YLPM1: variants seen among roughly 807,000 people sequenced by gnomAD.
YLPM1 encodes YLP motif containing 1, also known as YLP motif-containing protein 1.
A neutral mutation model predicts 230.0 loss-of-function variants in YLPM1; 99 were observed. The ratio of observed to expected loss-of-function variants is 0.43; its 90% CI spans 0.37 to 0.51. The LOEUF (loss-of-function observed/expected upper bound fraction) is 0.51. Among genes scored for constraint, YLPM1 ranks in the 20% least tolerant of loss-of-function variants. The probability of loss-of-function intolerance (pLI) is 0.00; values close to 1 mark genes in which losing one functional copy is unlikely to be tolerated. For missense variants in YLPM1, 2,592 were observed against 2,707.7 expected, an observed-to-expected ratio of 0.96 and a Z score of 0.95; for synonymous variants, 984 against 942.5, an observed-to-expected ratio of 1.04 and a Z score of -0.81.
intron 4 of YLPM1, 90 bp from the exon 5 acceptor site, chr14:74,797,490 C>A: frequency 9.0e-7 from 1 of 1,111,940 alleles, no homozygotes; most frequent in East Asian, 2.6e-5. Context: ...TAAACAAATT[C>A]TAAGGCAAGA....
chr14:74,834,975 A>T (rs2091633371), intron 19 of YLPM1: 1 of 282,218 alleles, frequency 3.5e-6, no homozygotes, highest in Non-Finnish European at 6.6e-6. Flanking sequence ...GTGAAAAAAA[A>T]ATGAGGTCAG....
intron 18 of YLPM1, among the ~76,000 whole-genome samples, chr14:74,824,921 C>CA (rs2091550834): frequency 6.6e-6 from 1 of 151,964 alleles, no homozygotes; most frequent in Non-Finnish European, 1.5e-5. Flanking sequence ...ATCTGTCAAA[C>CA]AAAAAAGTCA....
Position 74,811,743 on chromosome 14 carries a change from A to T in YLPM1, c.5347+5A>T. 1.3e-6 allele frequency: 2 copies of T among 1,564,046 alleles called. No homozygotes were observed. Among genetic ancestry groups the T allele is most frequent in the Non-Finnish European group, 1.7e-6 (2 of 1,153,120 alleles). On this transcript the variant is annotated splice_donor_5th_base_variant and intron_variant, in intron 10 of 20. Coordinates refer to ENST00000325680, the MANE Select transcript of YLPM1 (RefSeq NM_019589.3). ...AAGGACCATCCATGTTTGGAGGTAG[A>T]GTGATGCCTTATTAACTACAAGGAT... is the stretch of plus-strand genomic sequence containing the variant.
intron 13 of YLPM1, 109 bp from the exon 14 acceptor site, chr14:74,816,822 G>A: frequency 7.0e-7 from 1 of 1,428,626 alleles, no homozygotes; most frequent in South Asian, 1.5e-5. Flanking sequence ...TAGTACTTGG[G>A]TGTGAAGGAA....
Position 74,821,044 on chromosome 14 carries a change from ATGGT to A in YLPM1, c.6031-8_6031-5del. On this transcript the variant is annotated splice_polypyrimidine_tract_variant and intron_variant, in intron 16 of 20. Transcript: ENST00000325680. ...AACTCAGTCTTTTTTTTTTTTTTTA[ATGGT>A]TGGTATAGGTAGAGATGGAAGATTT... 7.0e-7 allele frequency: 1 copy of A among 1,424,566 alleles called. No homozygotes were observed. Among genetic ancestry groups the A allele is most frequent in the South Asian group, 1.6e-5 (1 of 61,690 alleles). 88.2% of individuals were successfully genotyped at this position (1,424,566 alleles called of 1,614,324 possible).
chr14:74,784,676 CTTTAACT>C (rs1435508739), intron 4 of YLPM1, among the ~76,000 whole-genome samples: 1 of 152,204 alleles, frequency 6.6e-6, no homozygotes, highest in Non-Finnish European at 1.5e-5. Flanking sequence ...AAATGTGATT[CTTTAACT>C]TTTATCTGTT....
In YLPM1 at chr14:74,778,577, C is replaced by T. The variant is rs1366782414; in HGVS notation, c.1004C>T (p.Thr335Ile). Reference sequence around the variant, plus strand: ...CCAGAGCCGGTAAAAGAAGAAGTTACAGTACCTGCCACCAGTCAAGTTCCA... The same window carrying T: ...CCAGAGCCGGTAAAAGAAGAAGTTATAGTACCTGCCACCAGTCAAGTTCCA... ...DTPEPVKEEV[T>I]VPATSQVPES... Residue 335 changes from threonine to isoleucine, a missense_variant, in exon 2 of 21, where the codon ACA becomes ATA. By Grantham distance (89) the Thr-to-Ile change is moderately conservative. Around this residue, in one of 4 missense-constraint regions of YLPM1, gnomAD observed 1,862 missense variants for 1,819.8 expected, o/e 1.02. Coordinates refer to ENST00000325680, the MANE Select transcript of YLPM1 (RefSeq NM_019589.3). 3.1e-6 allele frequency: 5 copies of T among 1,603,592 alleles called. No individual in the cohort carries two copies. The highest frequency in any genetic ancestry group is 3.3e-4 in the Middle Eastern group (2 of 6,050).
Position 74,816,658 on chromosome 14 carries a change from G to C in YLPM1, c.5653G>C (p.Asp1885His). ...CACTGAAGTGGAAAAAGAAGAAAAAGATCCAGATTCTGGAAAGAAAGTGAA... is the reference window on the plus strand; with the variant it reads ...CACTGAAGTGGAAAAAGAAGAAAAACATCCAGATTCTGGAAAGAAAGTGAA... ...FITEVEKEEKDPDSGKKVKKK... is the reference protein window; with the variant it reads ...FITEVEKEEKHPDSGKKVKKK... Residue 1885 changes from aspartate (D) to histidine (H), a missense_variant, in exon 13 of 21, where the codon GAT becomes CAT. Transcript: ENST00000325680. The C allele has an allele frequency of 6.2e-7, 1 of 1,613,428 alleles. No homozygotes were observed. The highest frequency in any genetic ancestry group is 8.5e-7 in the Non-Finnish European group (1 of 1,179,682).
chr14:74,805,736 T>C (rs1360537353), intron 6 of YLPM1, among the ~76,000 whole-genome samples: 1 of 147,382 alleles, frequency 6.8e-6, no homozygotes, highest in African/African-American at 2.5e-5. Flanking sequence ...CGGAATGTAG[T>C]CTGTCACCCA....
chr14:74,765,979 C>T (rs1262894590), intron 1 of YLPM1, among the ~76,000 whole-genome samples: 2 of 152,198 alleles, frequency 1.3e-5, no homozygotes, highest in African/African-American at 4.8e-5. Context: ...TCCTAACCTC[C>T]TCAACCCTCT....
In YLPM1 at chr14:74,781,374, A is replaced by G; in HGVS notation, c.1331A>G (p.Gln444Arg). 1 of 1,583,192 alleles carries G rather than the reference A, an allele frequency of 6.3e-7. No individual in the cohort carries two copies. Among genetic ancestry groups the G allele is most frequent in the Non-Finnish European group, 8.6e-7 (1 of 1,163,548 alleles). The change falls in exon 4 of 21, where the codon CAG becomes CGG. Residue 444 changes from glutamine to arginine, a missense_variant. Physicochemically the swap from Gln to Arg is conservative, Grantham distance 43. Transcript: ENST00000325680. ...ATGCAGCTGCGGCATTATGAGATGC[A>G]GCAGCAACAGTTTCAACATCTTTAC... ...VDMQLRHYEM[Q>R]QQQFQHLYQE...
At chr14:74,780,963 G>C (rs1474185284) in intron 3 of YLPM1, among the ~76,000 whole-genome samples, 2 of 152,194 alleles carry the variant, frequency 1.3e-5, no homozygotes, top group African/African-American at 4.8e-5. Context: ...AAAAGATAAA[G>C]TGACTTAGAT....
intron 1 of YLPM1, among the ~76,000 whole-genome samples, chr14:74,770,437 A>G (rs112152722): frequency 0.15 from 22,181 of 152,066 alleles, 1,762 homozygotes; most frequent in South Asian, 0.29. Flanking sequence ...CAGCCTGGCC[A>G]ACATGGTGAA....
Position 74,797,827 on chromosome 14 carries a change from T to C in YLPM1, c.2530T>C (p.Phe844Leu). Residue 844 changes from phenylalanine to leucine, a missense_variant, in exon 5 of 21, where the codon TTT becomes CTT. Phe to Leu is a conservative substitution (Grantham distance 22). This residue lies in a region of YLPM1 where 1,862 missense variants were observed against 1,819.8 expected (regional missense o/e 1.02). Coordinates refer to ENST00000325680, the MANE Select transcript of YLPM1 (RefSeq NM_019589.3). The stretch of plus-strand genomic sequence containing the variant: ...ACAGTGGAAAGGCCCCAAACCAGCT[T>C]TTGGACAGCAGCATCAGCAGCAACC... The part of the protein sequence containing the change: ...GPQWKGPKPA[F>L]GQQHQQQPKS... 1 of 1,613,880 alleles carries C rather than the reference T, an allele frequency of 6.2e-7. No homozygotes were observed.
At chr14:74,816,530 C>A in intron 12 of YLPM1, 41 bp from the exon 13 acceptor site, 1 of 1,573,148 alleles carries the variant, frequency 6.4e-7, no homozygotes, top group South Asian at 1.2e-5. Flanking sequence ...TTAATTTATT[C>A]CATAAATTCG....
intron 1 of YLPM1, among the ~76,000 whole-genome samples, chr14:74,766,842 G>A (rs543470861): frequency 4.8e-4 from 72 of 149,108 alleles, no homozygotes; most frequent in Non-Finnish European, 8.1e-4. Flanking sequence ...TCTTAGTCAA[G>A]TACCTCTATA....
Position 74,816,918 on chromosome 14 carries a change from T to TGG in YLPM1, c.5686-9_5686-8dup, listed in dbSNP as rs1487670525. 4 of 1,546,412 alleles carry TGG rather than the reference T, an allele frequency of 2.6e-6. No individual in the cohort carries two copies. Among genetic ancestry groups the TGG allele is most frequent in the Middle Eastern group, 1.7e-4 (1 of 5,738 alleles). ...GCTTTTGCTAATTCCATATCTCTTT[T>TGG]GGGGGACCTTAGGTAATGGAATATG... On this transcript the variant is annotated splice_polypyrimidine_tract_variant and intron_variant, in intron 13 of 20. Transcript: ENST00000325680.
At position 74,763,544 on chromosome 14, in the gene YLPM1, G is replaced by A. The variant is rs866844862; in HGVS notation, c.55G>A (p.Val19Ile). The A allele has an allele frequency of 1.3e-6, 2 of 1,532,734 alleles. No individual in the cohort carries two copies. The highest frequency in any genetic ancestry group is 1.9e-5 in the Admixed American group (1 of 51,494). The allele number at this position is 1,532,734 out of a possible 1,614,324, so 94.9% of individuals were successfully genotyped here. Residue 19 changes from valine to isoleucine, a missense_variant, in exon 1 of 21, where the codon GTC becomes ATC. Physicochemically the swap from Val to Ile is conservative, Grantham distance 29. This residue lies in a region of YLPM1 where 1,862 missense variants were observed against 1,819.8 expected (regional missense o/e 1.02). Transcript: ENST00000325680. ...GAGCAGCCACTATCCGCCGCCACCG[G>A]TCCCACCGCCGCCGCCAGTGGCGCT... ...GGSSHYPPPP[V>I]PPPPPVALPE...
chr14:74,812,281 T>C (rs781113528), intron 10 of YLPM1, among the ~76,000 whole-genome samples: 3 of 152,220 alleles, frequency 2.0e-5, no homozygotes, highest in Non-Finnish European at 4.4e-5. Context: ...GTATAACTCT[T>C]ACTCTTAAAA....
Sources: gnomAD v4.1 joint callset for allele counts (sites outside exome capture counted in the v4.1 genomes callset) on GRCh38, gnomAD v4.1.1 for gene constraint, gnomAD v4.1.1 regional missense constraint, MANE v1.5 for transcripts, NCBI Gene and HGNC (gene_info 2026-07-23, HGNC 2026-07-21) for gene names.